The following C13orf42 variants were observed in gnomAD, a reference collection of about 807,000 sequenced individuals.
C13orf42 encodes the protein uncharacterized protein C13orf42.
intron 1 of C13orf42, among the ~76,000 whole-genome samples, chr13:51,159,242 C>T (rs535781723): frequency 3.9e-5 from 6 of 152,348 alleles, no homozygotes; most frequent in Non-Finnish European, 8.8e-5. Flanking sequence ...TGATGATTTA[C>T]ACACCTATGA....
intron 1 of C13orf42, among the ~76,000 whole-genome samples, chr13:51,170,320 G>A (rs1353213709): frequency 6.6e-6 from 1 of 152,134 alleles, no homozygotes; most frequent in African/African-American, 2.4e-5. Flanking sequence ...CATGAAGTTT[G>A]GTGCCATGAC....
chr13:51,087,925 C>A lies in C13orf42; in HGVS notation c.562+3G>T. On this transcript the variant is annotated splice_donor_region_variant and intron_variant, in intron 2 of 3. Transcript: ENST00000563710. ...ATCTTCCCACTGCCTTCCTGGCACT[C>A]ACCGTCAAAGTCCACATCTTCATTT... The A allele has an allele frequency of 2.5e-6, 1 of 399,270 alleles. No individual in the cohort carries two copies. The highest frequency in any genetic ancestry group is 1.3e-4 in the South Asian group (1 of 7,844). The allele number at this position is 399,270 out of a possible 1,614,324, so 24.7% of individuals were successfully genotyped here.
chr13:51,131,850 G>C (rs1347779747), intron 1 of C13orf42, among the ~76,000 whole-genome samples: 1 of 152,128 alleles, frequency 6.6e-6, no homozygotes, highest in Non-Finnish European at 1.5e-5. Flanking sequence ...TTAAACTTTA[G>C]TCTCATCAGT....
At chr13:51,135,010 G>A (rs1953646664) in intron 1 of C13orf42, among the ~76,000 whole-genome samples, 1 of 152,212 alleles carries the variant, frequency 6.6e-6, no homozygotes, top group Non-Finnish European at 1.5e-5. Flanking sequence ...AGCACTGAAG[G>A]CGCTGCCCTC....
rs532687515 is a variant in C13orf42, at chr13:51,138,427, T to C, written n.137-25205A>G. ...AATGGGCAAAGAACCTGGATAGACA[T>C]TAGTCAAAAGAAGACATGCATATGA... On this transcript the variant is annotated intron_variant and non_coding_transcript_variant, in intron 1 of 4. Coordinates refer to the C13orf42 transcript ENST00000433280. Among the ~76,000 whole-genome samples the C allele has an allele frequency of 2.6e-5, 4 of 152,232 alleles. No individual in the cohort carries two copies. The East Asian group carries it at 7.7e-4, about 29-fold the overall frequency.
At chr13:51,155,521 G>T (rs906063674) in intron 1 of C13orf42, among the ~76,000 whole-genome samples, 2 of 152,200 alleles carry the variant, frequency 1.3e-5, no homozygotes, top group African/African-American at 4.8e-5. Context: ...TTAAGCAGGA[G>T]GGGTAATTTG....
intron 1 of C13orf42, among the ~76,000 whole-genome samples, chr13:51,129,564 CT>C (rs1377826533): frequency 6.6e-6 from 1 of 152,176 alleles, no homozygotes; most frequent in East Asian, 1.9e-4. Context: ...TCTGGCTTCC[CT>C]GAGTGCCTCG....
intron 1 of C13orf42, among the ~76,000 whole-genome samples, chr13:51,160,970 A>C (rs1302141688): frequency 1.3e-5 from 2 of 150,494 alleles, no homozygotes; most frequent in African/African-American, 2.4e-5. Context: ...CAAGAAAAAA[A>C]AAAAAAACAA....
intron 1 of C13orf42, among the ~76,000 whole-genome samples, chr13:51,148,416 G>C (rs777336859): frequency 6.6e-5 from 10 of 152,246 alleles, no homozygotes; most frequent in Non-Finnish European, 1.2e-4. Context: ...GGTGTGATAG[G>C]CATCATGAAG....
intron 1 of C13orf42, among the ~76,000 whole-genome samples, chr13:51,095,956 G>C (rs1480263584): frequency 1.3e-5 from 2 of 152,032 alleles, no homozygotes; most frequent in Admixed American, 1.3e-4. Flanking sequence ...TTTTATGTAG[G>C]TCAGTAGACA....
At chr13:51,101,396 A>T (rs1481872737) in intron 1 of C13orf42, among the ~76,000 whole-genome samples, 1 of 152,204 alleles carries the variant, frequency 6.6e-6, no homozygotes, top group Non-Finnish European at 1.5e-5. Context: ...CTTTATTATC[A>T]GAAAAAAATG....
intron 1 of C13orf42, among the ~76,000 whole-genome samples, chr13:51,097,030 A>G (rs1176337179): frequency 1.3e-5 from 2 of 152,368 alleles, no homozygotes; most frequent in East Asian, 3.9e-4. Context: ...GGAGCATACC[A>G]TGTACACCTG....
intron 1 of C13orf42, among the ~76,000 whole-genome samples, chr13:51,148,684 C>T (rs1400680949): frequency 6.6e-6 from 1 of 152,234 alleles, no homozygotes; most frequent in Non-Finnish European, 1.5e-5. Flanking sequence ...CAGGAACCCA[C>T]TCCCACTGGG....
intron 1 of C13orf42, among the ~76,000 whole-genome samples, chr13:51,142,168 G>A (rs190524622): frequency 1.3e-5 from 2 of 152,242 alleles, no homozygotes; most frequent in Non-Finnish European, 2.9e-5. Flanking sequence ...TCTAATCCTG[G>A]GACTTTAGGC....
At chr13:51,157,032 A>C (rs58004754) in intron 1 of C13orf42, among the ~76,000 whole-genome samples, 7,487 of 152,292 alleles carry the variant, frequency 0.049, 624 homozygotes, top group African/African-American at 0.17. Flanking sequence ...GCATACATAA[A>C]GGGCACAAAT....
At chr13:51,125,289 C>G (rs1020141080) in intron 1 of C13orf42, among the ~76,000 whole-genome samples, 4 of 152,208 alleles carry the variant, frequency 2.6e-5, no homozygotes, top group Non-Finnish European at 5.9e-5. Context: ...CCACTAAATT[C>G]TCAGCTCCCT....
intron 1 of C13orf42, among the ~76,000 whole-genome samples, chr13:51,107,801 C>A (rs978747255): frequency 1.2e-4 from 19 of 152,326 alleles, no homozygotes; most frequent in African/African-American, 4.6e-4. Flanking sequence ...CTGCAGTCCA[C>A]CAGGGGAGAC....
In C13orf42 at chr13:51,084,227, TC is replaced by T; in HGVS notation, c.901del (p.Glu301ArgfsTer32). 1 of 398,682 alleles carries T rather than the reference TC, an allele frequency of 2.5e-6. No homozygotes were observed. The highest frequency in any genetic ancestry group is 4.4e-6 in the Non-Finnish European group (1 of 226,108). The allele number at this position is 398,682 out of a possible 1,614,324, so 24.7% of individuals were successfully genotyped here. ...FALEPQLSPG[E>X]DYYETENPKG... ...GGGGTTCTCTGTCTCATAGTAGTCCTCCCCAGGAGACAACTGGGGCTCCAAC... is the reference window on the plus strand; with the variant it reads ...GGGGTTCTCTGTCTCATAGTAGTCCTCCCAGGAGACAACTGGGGCTCCAAC... On this transcript the variant is annotated frameshift_variant, in exon 4 of 4. Transcript: ENST00000563710. LOFTEE classifies it high-confidence loss of function.
At chr13:51,099,622 C>A (rs1953266273) in intron 1 of C13orf42, among the ~76,000 whole-genome samples, 1 of 152,098 alleles carries the variant, frequency 6.6e-6, no homozygotes. Context: ...ACTTTTTCCC[C>A]AGCTTTATAA....
Sources: gnomAD v4.1 joint callset for allele counts (sites outside exome capture counted in the v4.1 genomes callset) on GRCh38, gnomAD v4.1.1 for gene constraint, MANE v1.5 for transcripts, NCBI Gene and HGNC (gene_info 2026-07-23, HGNC 2026-07-21) for gene names.